The following LARS2 variants were observed in gnomAD, a reference collection of about 807,000 sequenced individuals.
LARS2 encodes leucyl-tRNA synthetase 2, mitochondrial.
In LARS2, 81 loss-of-function variants were observed where a neutral mutation model predicts 116.6. The observed-to-expected ratio is 0.69, with a 90% confidence interval of 0.58 to 0.84. LARS2 has a LOEUF of 0.84. LARS2 is among the 40% of genes least tolerant of loss of function. The probability of loss-of-function intolerance (pLI) is 0.00; values close to 1 mark genes in which losing one functional copy is unlikely to be tolerated. For missense variants in LARS2, 968 were observed against 1,114.5 expected (o/e 0.87, Z 1.87); for synonymous variants, 396 against 407.2 (o/e 0.97, Z 0.33).
chr3:45,497,473 C>T (rs1420149896), intron 14 of LARS2, among the ~76,000 whole-genome samples: 1 of 152,150 alleles, frequency 6.6e-6, no homozygotes, highest in East Asian at 1.9e-4. Flanking sequence ...AACCCTGTTG[C>T]CTACATATAA....
At chr3:45,503,632 C>A (rs1019120199) in intron 15 of LARS2, among the ~76,000 whole-genome samples, 2 of 151,660 alleles carry the variant, frequency 1.3e-5, no homozygotes, top group African/African-American at 4.8e-5. Flanking sequence ...TTCAGGCTCT[C>A]TTGTCTGCTG....
intron 12 of LARS2, among the ~76,000 whole-genome samples, chr3:45,491,309 T>A (rs1379300132): frequency 6.6e-6 from 1 of 152,232 alleles, no homozygotes; most frequent in Admixed American, 6.5e-5. Flanking sequence ...TTGATGCAGT[T>A]GTAAAATATA....
intron 7 of LARS2, among the ~76,000 whole-genome samples, chr3:45,454,088 G>A (rs1351377785): frequency 1.3e-5 from 2 of 152,264 alleles, no homozygotes; most frequent in Admixed American, 6.5e-5. Context: ...GATGAGAGGC[G>A]TGAGGGTTTG....
chr3:45,533,382 C>T (rs115727989), intron 20 of LARS2, among the ~76,000 whole-genome samples: 4,496 of 151,832 alleles, frequency 0.03, 87 homozygotes, highest in Middle Eastern at 0.068. Flanking sequence ...GATCTGACTT[C>T]GTGATCCGCC....
chr3:45,498,647 C>A (rs551499619), intron 14 of LARS2, among the ~76,000 whole-genome samples: 1 of 152,264 alleles, frequency 6.6e-6, no homozygotes, highest in Admixed American at 6.5e-5. Flanking sequence ...GTCAGGGAAC[C>A]AATTCACAAA....
intron 15 of LARS2, 44 bp from the exon 16 acceptor site, chr3:45,513,091 A>G (rs779780525): frequency 3.1e-6 from 4 of 1,301,114 alleles, no homozygotes; most frequent in African/African-American, 2.9e-5. Flanking sequence ...TCAATGCCTC[A>G]TGTCCCACTC....
At chr3:45,428,238 T>TG (rs1698629369) in intron 6 of LARS2, among the ~76,000 whole-genome samples, 1 of 104,396 alleles carries the variant, frequency 9.6e-6, no homozygotes, top group Admixed American at 1.3e-4. Flanking sequence ...TATCTTAACC[T>TG]GTTTTTTTTT....
chr3:45,452,104 T>C lies in LARS2; in HGVS notation c.606+5124T>C, dbSNP rs540298733. On this transcript the variant is annotated intron_variant, in intron 7 of 21. Transcript: ENST00000645846. ...TTTTTGGTTGGAACCTTTAGGTTTT[T>C]CTAAATATAAAATCATGTTGTCTGC... Among the ~76,000 whole-genome samples, 122 of 152,278 alleles carry C rather than the reference T, an allele frequency of 8.0e-4. 2 individuals carry two copies. Among genetic ancestry groups the C allele is most frequent in the African/African-American group, 2.8e-3 (116 of 41,580 alleles).
intron 7 of LARS2, among the ~76,000 whole-genome samples, chr3:45,453,703 A>C (rs1303427028): frequency 6.6e-6 from 1 of 152,226 alleles, no homozygotes; most frequent in East Asian, 1.9e-4. Flanking sequence ...AGAGCTAGAT[A>C]CTTTATAAGA....
intron 8 of LARS2, among the ~76,000 whole-genome samples, chr3:45,473,226 CATT>C (rs748962124): frequency 2.6e-4 from 40 of 152,032 alleles, no homozygotes; most frequent in East Asian, 1.3e-3. Flanking sequence ...ATGTTTTTGT[CATT>C]GTTGTTGCTT....
At chr3:45,458,588 G>A (rs1699254221) in intron 7 of LARS2, among the ~76,000 whole-genome samples, 155 bp from the exon 8 acceptor site, 1 of 152,116 alleles carries the variant, frequency 6.6e-6, no homozygotes, top group Non-Finnish European at 1.5e-5. Context: ...TACTTGGGCT[G>A]AGGCAGGAGA....
In LARS2 at chr3:45,485,675, T is replaced by G; in HGVS notation, c.1019-17T>G. On this transcript the variant is annotated splice_polypyrimidine_tract_variant and intron_variant, in intron 10 of 21. Coordinates refer to ENST00000645846, the MANE Select transcript of LARS2 (RefSeq NM_015340.4). ...CTCAGTTGAGTGGCATCCACAGTTA[T>G]TTGCTCTCATTTTCAGATTGCCTCA... The G allele has an allele frequency of 6.8e-7, 1 of 1,471,122 alleles. No homozygotes were observed. Among genetic ancestry groups the G allele is most frequent in the Non-Finnish European group, 9.4e-7 (1 of 1,061,806 alleles). The allele number at this position is 1,471,122 out of a possible 1,614,324, so 91.1% of individuals were successfully genotyped here. A position where few individuals can be genotyped will look rare whatever the true frequency, so the allele number is the denominator to read the frequency against.
Position 45,496,286 on chromosome 3 carries a change from CA to C in LARS2, c.1536del (p.Ala513ProfsTer121). On this transcript the variant is annotated frameshift_variant, in exon 14 of 22. Transcript: ENST00000645846. LOFTEE classifies it high-confidence loss of function. ...CATTTCTTTCTTAGGTGCAAGGGAGCAGCCAAGAGAGAGACAGACACGATGG... is the reference window on the plus strand; with the variant it reads ...CATTTCTTTCTTAGGTGCAAGGGAGCGCCAAGAGAGAGACAGACACGATGG... Reference protein sequence around the residue: ...VNCSCPRCKGAAKRETDTMDT... With the variant: ...VNCSCPRCKGXAKRETDTMDT... 1 of 1,612,868 alleles carries C rather than the reference CA, an allele frequency of 6.2e-7. No individual in the cohort carries two copies. Among genetic ancestry groups the C allele is most frequent in the Non-Finnish European group, 8.5e-7 (1 of 1,178,896 alleles).
rs768774451 is a variant in LARS2, at chr3:45,458,732, G to T, written c.607-11G>T. 3 of 1,613,800 alleles carry T rather than the reference G, an allele frequency of 1.9e-6. No individual in the cohort carries two copies. In the Admixed American group the frequency reaches 5.0e-5, roughly 27 times the overall value. ...ACCAGATTGTGCCATTTTGTTTCAT[G>T]AATTATACAGGCCCTGGTTAACTGG... On this transcript the variant is annotated splice_polypyrimidine_tract_variant and intron_variant, in intron 7 of 21. Transcript: ENST00000645846.
chr3:45,400,414 A>G (rs751418320), intron 4 of LARS2, 41 bp downstream of exon 4: 15 of 1,564,600 alleles, frequency 9.6e-6, no homozygotes, highest in Non-Finnish European at 9.5e-6. Flanking sequence ...TGTCTGCCAC[A>G]CGCAGGGTTG....
chr3:45,463,898 A>C (rs770746753), intron 8 of LARS2, among the ~76,000 whole-genome samples: 1 of 152,038 alleles, frequency 6.6e-6, no homozygotes, highest in East Asian at 1.9e-4. Context: ...ATCACTGAGG[A>C]AGTGGTGAAA....
chr3:45,466,573 A>G (rs1699429215), intron 8 of LARS2, among the ~76,000 whole-genome samples: 1 of 152,046 alleles, frequency 6.6e-6, no homozygotes, highest in African/African-American at 2.4e-5. Flanking sequence ...ACTCCTTCCC[A>G]GGGGGCTGAT....
intron 7 of LARS2, among the ~76,000 whole-genome samples, chr3:45,453,711 A>G (rs1699171575): frequency 6.6e-6 from 1 of 152,218 alleles, no homozygotes; most frequent in South Asian, 2.1e-4. Context: ...ATACTTTATA[A>G]GACCTATGTG....
intron 15 of LARS2, among the ~76,000 whole-genome samples, chr3:45,508,315 G>A (rs900324): frequency 0.27 from 41,371 of 151,824 alleles, 6,176 homozygotes; most frequent in Middle Eastern, 0.4. Flanking sequence ...TGCCAGAAAC[G>A]GGGCTACTGG....
Sources: gnomAD v4.1 joint callset for allele counts (sites outside exome capture counted in the v4.1 genomes callset) on GRCh38, gnomAD v4.1.1 for gene constraint, MANE v1.5 for transcripts, NCBI Gene and HGNC (gene_info 2026-07-23, HGNC 2026-07-21) for gene names.